Variants in LRRC4C observed in about 807,000 individuals in gnomAD.
LRRC4C encodes leucine-rich repeat-containing protein 4C.
LRRC4C carries 5 observed loss-of-function variants against 33.6 expected under a neutral mutation model. The observed-to-expected ratio is 0.15, with a 90% CI of 0.08 to 0.31. The LOEUF is 0.31. Ranked by LOEUF, LRRC4C falls within the 10% of genes least tolerant of loss-of-function variation. LRRC4C has a pLI of 1.00. For missense variants in LRRC4C, 560 were observed against 796.7 expected (o/e 0.70, Z 3.58); for synonymous variants, 329 against 302.0 (o/e 1.09, Z -0.93).
At chr11:40,730,001 A>G (rs1336363796) in intron 2 of LRRC4C, among the ~76,000 whole-genome samples, 2 of 152,232 alleles carry the variant, frequency 1.3e-5, no homozygotes, top group African/African-American at 2.4e-5. Context: ...AAACTATCAC[A>G]AGAACAAAAA....
intron 1 of LRRC4C, among the ~76,000 whole-genome samples, chr11:41,110,130 T>C (rs11036237): frequency 0.35 from 53,258 of 151,870 alleles, 10,622 homozygotes; most frequent in South Asian, 0.45. Flanking sequence ...TTTAAGTGGA[T>C]AGATTTGGAA....
chr11:40,475,792 C>T (rs937418442), intron 3 of LRRC4C, among the ~76,000 whole-genome samples: 2 of 152,088 alleles, frequency 1.3e-5, no homozygotes, highest in African/African-American at 2.4e-5. Context: ...AACGCCACTC[C>T]TAAGCCCCTC....
rs35416837 is a variant in LRRC4C, at chr11:40,937,603, A to ATGTGTGTGTG, written c.-495-3890_-495-3881dup. ...ATTCACTCTTCTTGAGTGTGTGTATATGTGTGTGTGTGTGTGTGTGTGTGT... is the reference window on the plus strand; with the variant it reads ...ATTCACTCTTCTTGAGTGTGTGTATATGTGTGTGTGTGTGTGTGTGTGTGTGTGTGTGTGT... On this transcript the variant is annotated intron_variant, in intron 1 of 6. Coordinates refer to ENST00000528697, the MANE Select transcript of LRRC4C (RefSeq NM_001258419.2). 6.1e-3 allele frequency among the ~76,000 whole-genome samples: 828 copies of ATGTGTGTGTG among 135,980 alleles called. 8 individuals are homozygous for ATGTGTGTGTG. The highest frequency in any genetic ancestry group is 0.014 in the African/African-American group (486 of 34,478). The allele number at this position is 135,980 out of a possible 152,430, so 89.2% of individuals were successfully genotyped here. A position where few individuals can be genotyped will look rare whatever the true frequency, so the allele number is the denominator to read the frequency against.
intron 1 of LRRC4C, among the ~76,000 whole-genome samples, chr11:41,173,769 T>G (rs1372159913): frequency 6.6e-6 from 1 of 152,132 alleles, no homozygotes; most frequent in Non-Finnish European, 1.5e-5. Flanking sequence ...ACTAAAGATC[T>G]TTGTCCTATT....
chr11:40,542,551 T>C (rs929515555), intron 3 of LRRC4C, among the ~76,000 whole-genome samples: 1 of 152,148 alleles, frequency 6.6e-6, no homozygotes, highest in Non-Finnish European at 1.5e-5. Context: ...CCAACAGAGA[T>C]AATAACAACC....
chr11:41,037,602 A>ACACACACACACG (rs1491388271), intron 1 of LRRC4C, among the ~76,000 whole-genome samples: 1 of 149,272 alleles, frequency 6.7e-6, no homozygotes, highest in East Asian at 1.9e-4. Context: ...ACACACACAC[A>ACACACACACACG]CGCACTAAGA....
intron 3 of LRRC4C, among the ~76,000 whole-genome samples, chr11:40,482,791 A>C (rs1953654446): frequency 6.6e-6 from 1 of 152,148 alleles, no homozygotes; most frequent in Non-Finnish European, 1.5e-5. Context: ...CAGAGAGCTA[A>C]GAATACAAAG....
At chr11:40,933,052 A>G (rs936666146) in intron 2 of LRRC4C, among the ~76,000 whole-genome samples, 1 of 152,202 alleles carries the variant, frequency 6.6e-6, no homozygotes, top group Non-Finnish European at 1.5e-5. Flanking sequence ...GGTTGGAGAG[A>G]ACTCAGTGAC....
At chr11:40,668,775 A>G (rs1241878722) in intron 2 of LRRC4C, among the ~76,000 whole-genome samples, 1 of 152,176 alleles carries the variant, frequency 6.6e-6, no homozygotes, top group East Asian at 1.9e-4. Flanking sequence ...AACTAGAGAG[A>G]TTTTCCTCCC....
intron 1 of LRRC4C, among the ~76,000 whole-genome samples, chr11:41,334,368 G>A (rs968275619): frequency 6.6e-6 from 1 of 152,050 alleles, no homozygotes; most frequent in African/African-American, 2.4e-5. Flanking sequence ...CTTGTTTCAG[G>A]TTTAAAACTG....
intron 5 of LRRC4C, among the ~76,000 whole-genome samples, chr11:40,187,980 C>T (rs961169089): frequency 1.3e-5 from 2 of 152,062 alleles, no homozygotes; most frequent in Non-Finnish European, 2.9e-5. Flanking sequence ...AGAGAATATT[C>T]AGGGATATTA....
chr11:40,313,922 A>G (rs1351975118), intron 4 of LRRC4C, among the ~76,000 whole-genome samples: 1 of 151,994 alleles, frequency 6.6e-6, no homozygotes, highest in African/African-American at 2.4e-5. Flanking sequence ...CCGTGGGGAA[A>G]TTCTTTAGCA....
chr11:40,845,386 A>G (rs914000632), intron 2 of LRRC4C, among the ~76,000 whole-genome samples: 1 of 152,086 alleles, frequency 6.6e-6, no homozygotes, highest in African/African-American at 2.4e-5. Flanking sequence ...ACTCCCACTT[A>G]TGAGCGAGAA....
intron 1 of LRRC4C, among the ~76,000 whole-genome samples, chr11:41,049,674 T>G (rs778619216): frequency 6.6e-5 from 10 of 152,212 alleles, no homozygotes; most frequent in African/African-American, 2.4e-4. Context: ...ATTTTGTATT[T>G]AGAAGTAACA....
intron 3 of LRRC4C, among the ~76,000 whole-genome samples, chr11:40,475,272 T>TA (rs1396650639): frequency 6.6e-6 from 1 of 151,956 alleles, no homozygotes; most frequent in Non-Finnish European, 1.5e-5. Flanking sequence ...TATGCAGCCA[T>TA]AAAAAAGGAA....
At chr11:40,169,860 C>T (rs910884655) in intron 5 of LRRC4C, among the ~76,000 whole-genome samples, 1 of 152,104 alleles carries the variant, frequency 6.6e-6, no homozygotes, top group African/African-American at 2.4e-5. Context: ...TTGTCTGAAG[C>T]CAACCCCTAA....
intron 1 of LRRC4C, among the ~76,000 whole-genome samples, chr11:41,442,059 C>A (rs1331474813): frequency 6.6e-6 from 1 of 152,112 alleles, no homozygotes; most frequent in African/African-American, 2.4e-5. Flanking sequence ...CCTTCCAGGT[C>A]ATAAATTTTT....
At chr11:41,052,887 T>C (rs1170618317) in intron 1 of LRRC4C, among the ~76,000 whole-genome samples, 1 of 152,218 alleles carries the variant, frequency 6.6e-6, no homozygotes, top group Non-Finnish European at 1.5e-5. Flanking sequence ...GGCAACCTAA[T>C]ATCAATTGTT....
intron 5 of LRRC4C, among the ~76,000 whole-genome samples, chr11:40,230,733 G>A (rs186702309): frequency 1.6e-4 from 25 of 152,296 alleles, no homozygotes; most frequent in African/African-American, 5.5e-4. Flanking sequence ...ATAATCATTC[G>A]CATGTCATCA....
Sources: allele counts gnomAD v4.1 joint callset (sites outside exome capture counted in the v4.1 genomes callset), GRCh38; gene constraint gnomAD v4.1.1; transcripts MANE v1.5; gene names NCBI Gene and HGNC (gene_info 2026-07-23, HGNC 2026-07-21).